Variants in BRCA1 observed in about 807,000 individuals in gnomAD.
BRCA1 encodes BRCA1 DNA repair associated.
In BRCA1, 140 loss-of-function variants were observed where a neutral mutation model predicts 173.7. The observed-to-expected ratio is 0.81, with a 90% confidence interval of 0.70 to 0.93. BRCA1 has a LOEUF of 0.93. Ranked by LOEUF, BRCA1 falls within the 40% of genes least tolerant of loss-of-function variation. The probability of loss-of-function intolerance (pLI) is 0.00; values close to 1 mark genes in which losing one functional copy is unlikely to be tolerated. For missense variants in BRCA1, 1,983 were observed against 2,172.5 expected (o/e 0.91, Z 1.73); for synonymous variants, 662 against 756.0 (o/e 0.88, Z 2.04).
intron 1 of BRCA1, chr17:43,163,316 TA>T (rs1306023167): frequency 2.0e-5 from 3 of 152,252 alleles, no homozygotes; most frequent in Non-Finnish European, 4.4e-5. Flanking sequence ...ACATAGAGTG[TA>T]AAGAGTTTTG....
At chr17:43,139,309 G>A (rs1301847467) in intron 1 of BRCA1, among the ~76,000 whole-genome samples, 2 of 150,208 alleles carry the variant, frequency 1.3e-5, no homozygotes, top group East Asian at 3.9e-4. Context: ...TGTCACATGG[G>A]TTTGTTGTAC....
rs2050966626 is a variant in BRCA1 at position 43,047,544 on chromosome 17, T to C, written c.5467+99A>G. 3 of 1,175,102 alleles carry C rather than the reference T, an allele frequency of 2.6e-6. No individual in the cohort carries two copies. In the South Asian group the frequency reaches 3.7e-5, roughly 15 times the overall value. 72.8% of individuals were successfully genotyped at this position (1,175,102 alleles called of 1,614,324 possible). On this transcript the variant is annotated intron_variant, in intron 22 of 22. Transcript: ENST00000357654. The stretch of plus-strand genomic sequence containing the variant: ...CCATTCATTCAACAAATATTTAAAA[T>C]GTGCCAAGAACTGTGCTACTCAAGC...
intron 1 of BRCA1, among the ~76,000 whole-genome samples, chr17:43,153,431 TAAACTC>T (rs1281828702): frequency 6.6e-6 from 1 of 152,236 alleles, no homozygotes; most frequent in Non-Finnish European, 1.5e-5. Flanking sequence ...ACTAGACAGA[TAAACTC>T]AAGTTGTAAA....
intron 1 of BRCA1, chr17:43,166,046 G>T (rs1300107178): frequency 6.6e-6 from 1 of 151,038 alleles, no homozygotes; most frequent in East Asian, 1.9e-4. Flanking sequence ...TCTTAACTTT[G>T]TATCTCTCTC....
intron 1 of BRCA1, chr17:43,131,268 G>C: frequency 2.5e-6 from 1 of 392,966 alleles, no homozygotes; most frequent in Non-Finnish European, 5.5e-6. Flanking sequence ...GGAAGATGAA[G>C]AGGTAAAGTA....
chr17:43,076,009 C>A, intron 13 of BRCA1, among the ~76,000 whole-genome samples: 1 of 151,830 alleles, frequency 6.6e-6, no homozygotes, highest in Admixed American at 6.6e-5. Context: ...GGGAGGATTG[C>A]TTGAGCCTGA....
At chr17:43,151,088 G>A (rs1160638228) in intron 1 of BRCA1, among the ~76,000 whole-genome samples, 1 of 152,202 alleles carries the variant, frequency 6.6e-6, no homozygotes, top group Non-Finnish European at 1.5e-5. Flanking sequence ...GTAAGAGCTG[G>A]TGGGGGCAAT....
At chr17:43,114,390 CTT>C (rs35851659) in intron 3 of BRCA1, among the ~76,000 whole-genome samples, 15 of 138,836 alleles carry the variant, frequency 1.1e-4, no homozygotes, top group Non-Finnish European at 1.1e-4. Context: ...AATACTGGGA[CTT>C]TTTTTTTTTT....
chr17:43,150,086 G>A (rs958812859), intron 1 of BRCA1, among the ~76,000 whole-genome samples: 1 of 151,868 alleles, frequency 6.6e-6, no homozygotes, highest in African/African-American at 2.4e-5. Flanking sequence ...CACCATGTCC[G>A]GCAAGTTTCT....
At chr17:43,115,647 A>G (rs2055234688) in intron 3 of BRCA1, 79 bp downstream of exon 3, 2 of 1,371,872 alleles carry the variant, frequency 1.5e-6, no homozygotes, top group East Asian at 2.4e-5. Context: ...TAAAGCTTCT[A>G]TAAAGTTAGG....
intron 19 of BRCA1, among the ~76,000 whole-genome samples, chr17:43,055,597 C>T (rs1489086071): frequency 6.6e-6 from 1 of 152,118 alleles, no homozygotes; most frequent in African/African-American, 2.4e-5. Flanking sequence ...CCAGCCTGGC[C>T]AACATGTTGA....
At chr17:43,136,440 CTAATT>C (rs1382193335) in intron 1 of BRCA1, among the ~76,000 whole-genome samples, 1 of 152,160 alleles carries the variant, frequency 6.6e-6, no homozygotes, top group Non-Finnish European at 1.5e-5. Flanking sequence ...CAAATGGAAT[CTAATT>C]AAACTAAAGA....
At chr17:43,051,739 C>T (rs529155395) in intron 19 of BRCA1, among the ~76,000 whole-genome samples, 6 of 151,610 alleles carry the variant, frequency 4.0e-5, no homozygotes, top group African/African-American at 7.3e-5. Flanking sequence ...AGGGTTCAAG[C>T]GATTCTCCTG....
chr17:43,127,477 CA>C (rs762663053), upstream of BRCA1, among the ~76,000 whole-genome samples: 5 of 151,924 alleles, frequency 3.3e-5, no homozygotes, highest in Admixed American at 6.6e-5. Context: ...GCAAATGCAC[CA>C]ATCAGCACTC....
chr17:43,054,950 A>G (rs1279365665), intron 19 of BRCA1, among the ~76,000 whole-genome samples: 1 of 152,000 alleles, frequency 6.6e-6, no homozygotes, highest in Non-Finnish European at 1.5e-5. Flanking sequence ...GGGTTTCACC[A>G]TGTTGGCCAG....
intron 11 of BRCA1, among the ~76,000 whole-genome samples, chr17:43,085,727 C>T (rs1230965810): frequency 6.6e-6 from 1 of 152,064 alleles, no homozygotes; most frequent in African/African-American, 2.4e-5. Context: ...GGCAAGTGGG[C>T]AGAATGTGGC....
chr17:43,078,334 C>G (rs1168913765), intron 12 of BRCA1, among the ~76,000 whole-genome samples: 1 of 152,192 alleles, frequency 6.6e-6, no homozygotes, highest in Non-Finnish European at 1.5e-5. Context: ...ATCCGCCAAC[C>G]TTGGCCTCAC....
In BRCA1 at chr17:43,093,006, T is replaced by C. The variant is rs28897684; in HGVS notation, c.2525A>G (p.Glu842Gly). The C allele has an allele frequency of 3.9e-5, 63 of 1,613,804 alleles. No individual in the cohort carries two copies. The highest frequency in any genetic ancestry group is 5.1e-5 in the Non-Finnish European group (60 of 1,179,906). ...ACTTTCTTCCATTTCTATGCTTGTT[T>C]CCCGACTGTGGTTAACTTCATGTCC... ...PLGHEVNHSR[E>G]TSIEMEESEL... The change falls in exon 10 of 23, where the codon GAA (glutamate) becomes GGA (glycine). Residue 842 changes from glutamate to glycine, a missense_variant. Transcript: ENST00000357654.
intron 12 of BRCA1, among the ~76,000 whole-genome samples, chr17:43,078,026 C>A (rs897510510): frequency 2.6e-5 from 4 of 151,342 alleles, no homozygotes; most frequent in African/African-American, 9.7e-5. Flanking sequence ...TGAGCCACTG[C>A]GCCCGACCGT....
Sources: allele counts gnomAD v4.1 joint callset (sites outside exome capture counted in the v4.1 genomes callset), GRCh38; gene constraint gnomAD v4.1.1; transcripts MANE v1.5; gene names NCBI Gene and HGNC (gene_info 2026-07-23, HGNC 2026-07-21).